The following HACD2 variants were observed in gnomAD, a reference collection of about 807,000 sequenced individuals.
The protein encoded by HACD2 is very-long-chain (3R)-3-hydroxyacyl-CoA dehydratase 2.
A neutral mutation model predicts 31.0 loss-of-function variants in HACD2; 15 were observed. That is an observed-to-expected ratio of 0.48 (90% CI 0.32 to 0.75). The LOEUF (loss-of-function observed/expected upper bound fraction) is 0.75. Ranked by LOEUF, HACD2 falls within the 30% of genes least tolerant of loss-of-function variation. The probability of loss-of-function intolerance (pLI) is 0.03; values close to 1 mark genes in which losing one functional copy is unlikely to be tolerated. For synonymous variants in HACD2, 115 were observed against 122.2 expected (o/e 0.94, Z 0.39); for missense variants, 283 against 313.0 (o/e 0.90, Z 0.72).
intron 3 of HACD2, among the ~76,000 whole-genome samples, chr3:123,549,034 A>G (rs2056590717): frequency 6.6e-6 from 1 of 151,166 alleles, no homozygotes; most frequent in African/African-American, 2.4e-5. Flanking sequence ...TGACCATTGC[A>G]GAAGGGTAGA....
intron 4 of HACD2, among the ~76,000 whole-genome samples, chr3:123,510,257 T>C (rs1274930640): frequency 6.6e-6 from 1 of 152,214 alleles, no homozygotes; most frequent in African/African-American, 2.4e-5. Context: ...TATATGTCTT[T>C]ATTTTTTTGA....
chr3:123,574,652 T>A (rs946512064), intron 2 of HACD2, among the ~76,000 whole-genome samples: 2 of 152,042 alleles, frequency 1.3e-5, no homozygotes, highest in Non-Finnish European at 2.9e-5. Context: ...CAATTACATA[T>A]AATATAGAAT....
At chr3:123,576,864 T>C (rs1361203200) in intron 2 of HACD2, among the ~76,000 whole-genome samples, 5 of 152,180 alleles carry the variant, frequency 3.3e-5, no homozygotes, top group Admixed American at 2.0e-4. Flanking sequence ...TTTGCTGTAT[T>C]TTATAGAAAT....
chr3:123,532,737 G>T lies in HACD2; in HGVS notation c.293-4263C>A, dbSNP rs1053971904. Among the ~76,000 whole-genome samples the T allele has an allele frequency of 1.3e-5, 2 of 148,436 alleles. 1 individual carries two copies. The highest frequency in any genetic ancestry group is 4.4e-4 in the South Asian group (2 of 4,532). On this transcript the variant is annotated intron_variant, in intron 3 of 6. Coordinates refer to ENST00000383657, the MANE Select transcript of HACD2 (RefSeq NM_198402.5). ...TGTAATCCCAGCTACTCGGGAGGCT[G>T]AGGCAGGAGATCTCTTGAACCCGGG...
At chr3:123,522,144 AAAAT>A (rs968593505) in intron 4 of HACD2, among the ~76,000 whole-genome samples, 1 of 152,002 alleles carries the variant, frequency 6.6e-6, no homozygotes, top group African/African-American at 2.4e-5. Flanking sequence ...TGCCTCTACA[AAAAT>A]AAATAAATAA....
intron 3 of HACD2, among the ~76,000 whole-genome samples, chr3:123,534,925 A>G (rs988987834): frequency 1.4e-4 from 21 of 152,176 alleles, no homozygotes; most frequent in African/African-American, 5.1e-4. Flanking sequence ...ATGTATTTGT[A>G]TTTTAAGCTA....
chr3:123,513,954 C>T (rs369711436), intron 4 of HACD2, among the ~76,000 whole-genome samples: 2 of 152,078 alleles, frequency 1.3e-5, no homozygotes, highest in African/African-American at 4.8e-5. Flanking sequence ...TCTCAAAGTT[C>T]AGAAAAAATA....
chr3:123,494,822 A>T lies in HACD2; in HGVS notation c.*66T>A. 1 of 1,093,322 alleles carries T rather than the reference A, an allele frequency of 9.1e-7. No individual in the cohort carries two copies. Among genetic ancestry groups the T allele is most frequent in the Non-Finnish European group, 1.4e-6 (1 of 737,966 alleles). 67.7% of individuals were successfully genotyped at this position (1,093,322 alleles called of 1,614,324 possible). On this transcript the variant is annotated 3_prime_UTR_variant, in exon 7 of 7. Coordinates refer to ENST00000383657, the MANE Select transcript of HACD2 (RefSeq NM_198402.5). Reference sequence around the variant, plus strand: ...TTTCTATGAAACGTATTGGGAACTCAAAAAATCTGCAGCATTTTTTGATCA... The same window carrying T: ...TTTCTATGAAACGTATTGGGAACTCTAAAAATCTGCAGCATTTTTTGATCA...
chr3:123,526,245 C>T (rs1218600489), intron 4 of HACD2, among the ~76,000 whole-genome samples: 3 of 152,222 alleles, frequency 2.0e-5, no homozygotes, highest in Non-Finnish European at 4.4e-5. Context: ...ACAGGCTTTT[C>T]AAGTTAGCTG....
At position 123,584,931 on chromosome 3, in the gene HACD2, C is replaced by CCTT. The variant is rs1455448289; in HGVS notation, c.94_96dup (p.Lys32dup). ...TACGCCGTGGCCAGGGGCCCCGGGC[C>CCTT]CTTCTTCTTCCGCGTGCCGCTGGCG... On this transcript the variant is annotated inframe_insertion, in exon 1 of 7. Coordinates refer to ENST00000383657, the MANE Select transcript of HACD2 (RefSeq NM_198402.5). 1.3e-6 allele frequency: 2 copies of CCTT among 1,530,274 alleles called. No homozygotes were observed. Among genetic ancestry groups the CCTT allele is most frequent in the Non-Finnish European group, 1.8e-6 (2 of 1,138,486 alleles). The allele number at this position is 1,530,274 out of a possible 1,614,324, so 94.8% of individuals were successfully genotyped here.
chr3:123,527,821 T>C (rs546071925), intron 4 of HACD2, among the ~76,000 whole-genome samples: 17 of 152,286 alleles, frequency 1.1e-4, no homozygotes, highest in Admixed American at 3.9e-4. Context: ...GTAAAAGGCA[T>C]TACATTTGCG....
intron 4 of HACD2, among the ~76,000 whole-genome samples, chr3:123,511,579 T>C (rs532723514): frequency 6.6e-6 from 1 of 152,016 alleles, no homozygotes; most frequent in African/African-American, 2.4e-5. Context: ...GTAGAAGAGG[T>C]TCACCAAGAA....
chr3:123,572,528 T>C (rs1033196804), intron 2 of HACD2, among the ~76,000 whole-genome samples: 1 of 152,092 alleles, frequency 6.6e-6, no homozygotes, highest in Non-Finnish European at 1.5e-5. Context: ...AAAGAAAATA[T>C]GAACCATAAA....
rs1032846094 is a variant in HACD2, at chr3:123,557,113, G to A, written c.292+10649C>T. The stretch of plus-strand genomic sequence containing the variant: ...CAGGGGTCCCCAGTCCCTGGGCTGC[G>A]CAGCAGGAGAGCAGCAGGTGAGTGA... On this transcript the variant is annotated intron_variant, in intron 3 of 6. Coordinates refer to ENST00000383657, the MANE Select transcript of HACD2 (RefSeq NM_198402.5). 4.1e-5 allele frequency among the ~76,000 whole-genome samples: 6 copies of A among 144,842 alleles called. No individual in the cohort carries two copies. In the South Asian group the frequency reaches 8.7e-4, roughly 21 times the overall value.
Position 123,552,054 on chromosome 3 carries a change from T to C in HACD2, c.292+15708A>G, listed in dbSNP as rs541640263. Among the ~76,000 whole-genome samples, 6 of 152,126 alleles carry C rather than the reference T, an allele frequency of 3.9e-5. No homozygotes were observed. In the East Asian group the frequency reaches 1.2e-3, roughly 29 times the overall value. ...CCTGAGGTCCCACTGCAAATCTTTG[T>C]GGAAAGTGAGGAGAATTTGGAAAAA... On this transcript the variant is annotated intron_variant, in intron 3 of 6. Coordinates refer to ENST00000383657, the MANE Select transcript of HACD2 (RefSeq NM_198402.5).
Position 123,521,634 on chromosome 3 carries a change from T to G in HACD2, c.381+6752A>C, listed in dbSNP as rs73857656. ...AAAAAAGGCCCTGAGAAGCTTCCCATGTCTAGGTGTTTTCAGGAGCAGAGT... is the reference window on the plus strand; with the variant it reads ...AAAAAAGGCCCTGAGAAGCTTCCCAGGTCTAGGTGTTTTCAGGAGCAGAGT... On this transcript the variant is annotated intron_variant, in intron 4 of 6. Transcript: ENST00000383657. 6.1e-3 allele frequency among the ~76,000 whole-genome samples: 900 copies of G among 148,206 alleles called. 9 individuals carry two copies. The highest frequency in any genetic ancestry group is 0.022 in the African/African-American group (874 of 40,482).
At chr3:123,515,340 T>C (rs2056120427) in intron 4 of HACD2, among the ~76,000 whole-genome samples, 1 of 152,208 alleles carries the variant, frequency 6.6e-6, no homozygotes, top group South Asian at 2.1e-4. Context: ...CAACTGCATC[T>C]GTCCTTTTCT....
intron 4 of HACD2, among the ~76,000 whole-genome samples, chr3:123,521,172 T>C (rs542092483): frequency 7.9e-5 from 12 of 152,156 alleles, no homozygotes; most frequent in Non-Finnish European, 1.3e-4. Flanking sequence ...CCATCAAAAA[T>C]AGGAGTAATG....
chr3:123,500,875 A>G (rs911235533), intron 5 of HACD2, among the ~76,000 whole-genome samples, 182 bp from the exon 6 acceptor site: 10 of 152,224 alleles, frequency 6.6e-5, no homozygotes, highest in African/African-American at 2.4e-4. Flanking sequence ...TACAGCAGGT[A>G]TATGTTTCCA....
Sources: gnomAD v4.1 joint callset for allele counts (sites outside exome capture counted in the v4.1 genomes callset) on GRCh38, gnomAD v4.1.1 for gene constraint, MANE v1.5 for transcripts, NCBI Gene and HGNC (gene_info 2026-07-23, HGNC 2026-07-21) for gene names.